CCR5AS: variants seen among roughly 807,000 people sequenced by gnomAD.
The protein encoded by CCR5AS is CCR5 antisense RNA.
In CCR5AS at chr3:46,390,517, G is replaced by C. The variant is rs549266149; in HGVS notation, n.391+2308C>G. 1.7e-4 allele frequency among the ~76,000 whole-genome samples: 26 copies of C among 152,236 alleles called. 1 individual carries two copies. The Middle Eastern group carries it at 0.01, about 60-fold the overall frequency. On this transcript the variant is annotated intron_variant and non_coding_transcript_variant, in intron 2 of 3. Coordinates refer to ENST00000451485, the Ensembl canonical transcript of CCR5AS. ...AAGCCTGCTGTGGGATGGGATATTG[G>C]CATTGAGCGGGGTAAGGGTGATTAC...
chr3:46,394,696 C>T (rs1701945315), intron 1 of CCR5AS, among the ~76,000 whole-genome samples: 1 of 152,042 alleles, frequency 6.6e-6, no homozygotes, highest in African/African-American at 2.4e-5. Context: ...GGAGAAATTA[C>T]AAGGAAAAGT....
At chr3:46,397,966 C>T (rs759197835) in intron 1 of CCR5AS, among the ~76,000 whole-genome samples, 11 of 152,210 alleles carry the variant, frequency 7.2e-5, no homozygotes, top group Admixed American at 1.3e-4. Context: ...AACTCCGACA[C>T]GGGGCAGACA....
chr3:46,380,919 T>C (rs1226221909), intron 2 of CCR5AS, among the ~76,000 whole-genome samples: 1 of 149,734 alleles, frequency 6.7e-6, no homozygotes, highest in East Asian at 2.0e-4. Flanking sequence ...GCAAGGGCTG[T>C]TGTCTGAGCA....
chr3:46,379,368 C>T (rs141006953), intron 2 of CCR5AS, among the ~76,000 whole-genome samples: 107 of 152,142 alleles, frequency 7.0e-4, no homozygotes, highest in Non-Finnish European at 1.4e-3. Context: ...AGACTTGGAA[C>T]CAACCCAAAT....
intron 1 of CCR5AS, among the ~76,000 whole-genome samples, chr3:46,399,586 G>A (rs1253411102): frequency 6.6e-6 from 1 of 152,052 alleles, no homozygotes; most frequent in Non-Finnish European, 1.5e-5. Flanking sequence ...GAAAAAGTTG[G>A]GACTCAAAGA....
intron 2 of CCR5AS, chr3:46,373,106 C>T (rs1427256234): frequency 3.7e-6 from 6 of 1,614,174 alleles, no homozygotes; most frequent in African/African-American, 1.3e-5. Flanking sequence ...CTGACATCTA[C>T]CTGCTCAACC....
chr3:46,390,344 A>G (rs1701900152), intron 2 of CCR5AS, among the ~76,000 whole-genome samples: 1 of 152,192 alleles, frequency 6.6e-6, no homozygotes, highest in Admixed American at 6.5e-5. Flanking sequence ...GGGAAGGACG[A>G]TTTGATCAAC....
chr3:46,379,447 C>A (rs570049250), intron 2 of CCR5AS, among the ~76,000 whole-genome samples: 1 of 152,054 alleles, frequency 6.6e-6, no homozygotes, highest in Non-Finnish European at 1.5e-5. Flanking sequence ...CTTTATCATT[C>A]GCACTCTCCT....
At chr3:46,369,119 G>A (rs1295610334) in intron 3 of CCR5AS, among the ~76,000 whole-genome samples, 3 of 152,178 alleles carry the variant, frequency 2.0e-5, no homozygotes, top group Non-Finnish European at 4.4e-5. Flanking sequence ...TCCCCCGAGG[G>A]TGGGTGCCCA....
At chr3:46,380,882 T>A (rs11575822) in intron 2 of CCR5AS, among the ~76,000 whole-genome samples, 9,135 of 152,262 alleles carry the variant, frequency 0.06, 903 homozygotes, top group African/African-American at 0.21. Context: ...GTCTGAGAAA[T>A]ACTGCCTAAA....
At chr3:46,370,621 T>C (rs1701648586) in intron 3 of CCR5AS, among the ~76,000 whole-genome samples, 1 of 152,240 alleles carries the variant, frequency 6.6e-6, no homozygotes. Flanking sequence ...TTTCTTTTAC[T>C]AAAATGTGGG....
chr3:46,373,614 T>G, intron 2 of CCR5AS: 3 of 1,614,116 alleles, frequency 1.9e-6, no homozygotes, highest in Non-Finnish European at 1.7e-6. Flanking sequence ...GAGGCTTATC[T>G]TCACCATCAT....
intron 2 of CCR5AS, chr3:46,376,240 C>T (rs539027881): frequency 1.3e-5 from 2 of 157,384 alleles, no homozygotes; most frequent in African/African-American, 4.8e-5. Context: ...GTCAAGTGTA[C>T]ATTTAGAGAA....
rs1701678815 is a variant in CCR5AS, at chr3:46,372,639, T to G, written n.392-1222A>C. The G allele has an allele frequency of 9.2e-6, 3 of 324,760 alleles. No individual in the cohort carries two copies. The Admixed American group carries it at 1.3e-4, about 14-fold the overall frequency. 20.1% of individuals were successfully genotyped at this position (324,760 alleles called of 1,614,324 possible). ...CCATGGTGCTATAGAGCACAAGATT[T>G]TATTTGGTGAGATGGTGCTTTCATG... On this transcript the variant is annotated intron_variant and non_coding_transcript_variant, in intron 2 of 3. Transcript: ENST00000451485.
chr3:46,387,691 G>T (rs191429678), intron 2 of CCR5AS, among the ~76,000 whole-genome samples: 1 of 152,274 alleles, frequency 6.6e-6, no homozygotes, highest in African/African-American at 2.4e-5. Flanking sequence ...GTTGTGTTAC[G>T]TGCATTCATG....
In CCR5AS at chr3:46,400,664, CTT is replaced by C. The variant is rs200487118; in HGVS notation, n.163+6231_163+6232del. ...AGGGAGTTGAGTTAATGAGCTGAGACTTGGGCACCAGATGGGGGTCCACATGG... is the reference window on the plus strand; with the variant it reads ...AGGGAGTTGAGTTAATGAGCTGAGACGGGCACCAGATGGGGGTCCACATGG... On this transcript the variant is annotated intron_variant and non_coding_transcript_variant, in intron 1 of 3. Coordinates refer to ENST00000451485, the Ensembl canonical transcript of CCR5AS. Among the ~76,000 whole-genome samples the C allele has an allele frequency of 4.8e-3, 725 of 152,308 alleles. 11 individuals carry two copies. Among genetic ancestry groups the C allele is most frequent in the Admixed American group, 0.035 (541 of 15,304 alleles).
intron 2 of CCR5AS, among the ~76,000 whole-genome samples, chr3:46,387,377 C>T (rs545244534): frequency 1.9e-4 from 29 of 152,196 alleles, no homozygotes; most frequent in African/African-American, 6.8e-4. Flanking sequence ...AGTCTTCCAG[C>T]ACTGTCCTTT....
chr3:46,365,874 T>C (rs1213485310), intron 3 of CCR5AS, among the ~76,000 whole-genome samples: 1 of 152,170 alleles, frequency 6.6e-6, no homozygotes, highest in Non-Finnish European at 1.5e-5. Context: ...CAGCCTCACT[T>C]ACACACCCTA....
chr3:46,372,745 T>C, intron 2 of CCR5AS: 1 of 581,236 alleles, frequency 1.7e-6, no homozygotes, highest in Middle Eastern at 4.7e-4. Flanking sequence ...CAAAACTTCA[T>C]TGCTTGGCCA....
Sources: gnomAD v4.1 joint callset for allele counts (sites outside exome capture counted in the v4.1 genomes callset) on GRCh38, gnomAD v4.1.1 for gene constraint, MANE v1.5 for transcripts, NCBI Gene and HGNC (gene_info 2026-07-23, HGNC 2026-07-21) for gene names.